CDH13: variants seen among roughly 807,000 people sequenced by gnomAD.
CDH13 encodes cadherin-13.
A neutral mutation model predicts 63.8 loss-of-function variants in CDH13; 24 were observed. The observed-to-expected ratio is 0.38, with a 90% CI of 0.27 to 0.53. CDH13 has a LOEUF of 0.53. Ranked by LOEUF, CDH13 falls within the 20% of genes least tolerant of loss-of-function variation. The pLI, the probability that CDH13 is intolerant of heterozygous loss-of-function variation, is 0.85. For missense variants in CDH13, 1,049 were observed against 903.1 expected (o/e 1.16, Z -2.07); for synonymous variants, 503 against 355.3 (o/e 1.42, Z -4.67).
At chr16:83,513,184 C>T (rs1377681868) in intron 7 of CDH13, among the ~76,000 whole-genome samples, 1 of 152,048 alleles carries the variant, frequency 6.6e-6, no homozygotes, top group East Asian at 1.9e-4. Context: ...GTTGGATTTG[C>T]TTTTTTTCCA....
At chr16:83,736,645 G>T (rs1042006652) in intron 10 of CDH13, among the ~76,000 whole-genome samples, 4 of 152,152 alleles carry the variant, frequency 2.6e-5, no homozygotes, top group African/African-American at 9.7e-5. Flanking sequence ...TTCAAAAATG[G>T]GGTGGGGGAG....
At chr16:83,565,365 C>T (rs989685733) in intron 7 of CDH13, among the ~76,000 whole-genome samples, 12 of 147,492 alleles carry the variant, frequency 8.1e-5, no homozygotes, top group African/African-American at 2.3e-4. Flanking sequence ...TTGGGATTTC[C>T]GTTCCTCTTC....
At chr16:83,135,304 A>C (rs962834106) in intron 4 of CDH13, among the ~76,000 whole-genome samples, 2 of 152,262 alleles carry the variant, frequency 1.3e-5, no homozygotes, top group Admixed American at 1.3e-4. Context: ...CTTCAATGCC[A>C]CATCAGTGAT....
intron 3 of CDH13, among the ~76,000 whole-genome samples, chr16:83,057,008 C>G (rs1020161731): frequency 3.3e-5 from 5 of 152,110 alleles, no homozygotes; most frequent in African/African-American, 1.2e-4. Flanking sequence ...CACTCTGTCG[C>G]CAGTCTGGAG....
intron 9 of CDH13, among the ~76,000 whole-genome samples, chr16:83,674,780 AC>A (rs1952603102): frequency 1.3e-5 from 2 of 152,214 alleles, no homozygotes; most frequent in South Asian, 4.1e-4. Flanking sequence ...GATCAGAAGC[AC>A]CCTTAGCTGC....
chr16:83,723,706 A>G (rs34601058), intron 10 of CDH13, among the ~76,000 whole-genome samples: 13,470 of 152,206 alleles, frequency 0.088, 749 homozygotes, highest in Admixed American at 0.13. Context: ...TATTTTTATG[A>G]TCTCCCTTCC....
At chr16:83,422,434 G>A (rs1459885219) in intron 6 of CDH13, among the ~76,000 whole-genome samples, 1 of 152,150 alleles carries the variant, frequency 6.6e-6, no homozygotes, top group Non-Finnish European at 1.5e-5. Context: ...AAAGAATGCT[G>A]GCTGCAGAGG....
chr16:83,525,505 C>A (rs1567736806), intron 7 of CDH13, among the ~76,000 whole-genome samples: 1 of 152,228 alleles, frequency 6.6e-6, no homozygotes, highest in Non-Finnish European at 1.5e-5. Context: ...TGGGAGAGGG[C>A]ATCCTAAACA....
chr16:83,216,427 T>TATATATATATATATATATATAAATAA (rs71148821), intron 4 of CDH13, among the ~76,000 whole-genome samples: 1 of 45,056 alleles, frequency 2.2e-5, no homozygotes, highest in Non-Finnish European at 5.0e-5. Flanking sequence ...TATATATATA[T>TATATATATATATATATATATAAATAA]ATATATATAT....
intron 3 of CDH13, among the ~76,000 whole-genome samples, chr16:83,096,148 G>A (rs1355588501): frequency 1.3e-5 from 2 of 152,178 alleles, no homozygotes; most frequent in African/African-American, 4.8e-5. Context: ...CTCTGTAAGG[G>A]CATTAGCCTG....
intron 5 of CDH13, among the ~76,000 whole-genome samples, chr16:83,282,759 T>A (rs2089211553): frequency 6.6e-6 from 1 of 152,200 alleles, no homozygotes; most frequent in Non-Finnish European, 1.5e-5. Flanking sequence ...CTGGACACCT[T>A]AGGGGCTTCT....
In CDH13 at chr16:82,783,768, A is replaced by G. The variant is rs185965680; in HGVS notation, c.46-74594A>G. 1.2e-3 allele frequency among the ~76,000 whole-genome samples: 183 copies of G among 152,314 alleles called. 1 individual carries two copies. The highest frequency in any genetic ancestry group is 4.3e-3 in the African/African-American group (179 of 41,562). ...CACACCTAGGATTTGATGTAGAATT[A>G]CTAGGGCAGTATGTAAGGACAGAGA... On this transcript the variant is annotated intron_variant, in intron 1 of 13. Coordinates refer to ENST00000567109, the MANE Select transcript of CDH13 (RefSeq NM_001257.5).
chr16:83,264,702 T>G (rs1907399259), intron 5 of CDH13, among the ~76,000 whole-genome samples: 1 of 151,864 alleles, frequency 6.6e-6, no homozygotes, highest in Admixed American at 6.6e-5. Context: ...TGCCTACCCC[T>G]AATTTCTAAT....
At chr16:83,304,423 A>T (rs1003528532) in intron 5 of CDH13, among the ~76,000 whole-genome samples, 1 of 152,060 alleles carries the variant, frequency 6.6e-6, no homozygotes, top group African/African-American at 2.4e-5. Flanking sequence ...GAAGGAGCTC[A>T]AGGTGATTAT....
At chr16:83,215,231 C>T (rs1284474238) in intron 4 of CDH13, among the ~76,000 whole-genome samples, 1 of 151,654 alleles carries the variant, frequency 6.6e-6, no homozygotes, top group Non-Finnish European at 1.5e-5. Flanking sequence ...TGTGCGCCAT[C>T]ACGCCCAGCT....
At chr16:83,274,658 A>G (rs757508489) in intron 5 of CDH13, among the ~76,000 whole-genome samples, 1 of 152,142 alleles carries the variant, frequency 6.6e-6, no homozygotes, top group African/African-American at 2.4e-5. Flanking sequence ...ATAATAAGCT[A>G]ATGATTTTAT....
intron 5 of CDH13, among the ~76,000 whole-genome samples, chr16:83,248,157 C>T (rs1447211881): frequency 6.6e-6 from 1 of 152,072 alleles, no homozygotes; most frequent in Non-Finnish European, 1.5e-5. Flanking sequence ...CTTCCACTCA[C>T]AGCGCCAGAA....
intron 1 of CDH13, among the ~76,000 whole-genome samples, chr16:82,775,978 G>A (rs1413797028): frequency 2.0e-5 from 3 of 152,144 alleles, no homozygotes; most frequent in African/African-American, 7.2e-5. Flanking sequence ...GGAAAGCTGA[G>A]GCCAGCAGAT....
intron 10 of CDH13, among the ~76,000 whole-genome samples, chr16:83,693,046 A>G (rs966130337): frequency 6.6e-6 from 1 of 152,148 alleles, no homozygotes; most frequent in African/African-American, 2.4e-5. Context: ...CTGCACCACT[A>G]CACTCCAGCC....
Sources: allele counts gnomAD v4.1 joint callset (sites outside exome capture counted in the v4.1 genomes callset), GRCh38; gene constraint gnomAD v4.1.1; transcripts MANE v1.5; gene names NCBI Gene and HGNC (gene_info 2026-07-23, HGNC 2026-07-21).